Variants in BNC2 observed in about 807,000 individuals in gnomAD.
The protein encoded by BNC2 is zinc finger protein basonuclin-2.
A neutral mutation model predicts 76.3 loss-of-function variants in BNC2; 20 were observed. The observed-to-expected ratio is 0.26, with a 90% confidence interval of 0.18 to 0.38. The LOEUF is 0.38. Ranked by LOEUF, BNC2 falls within the 10% of genes least tolerant of loss-of-function variation. The probability of loss-of-function intolerance (pLI) is 1.00; values close to 1 mark genes in which losing one functional copy is unlikely to be tolerated. For missense variants in BNC2, 1,382 were observed against 1,399.8 expected, an observed-to-expected ratio of 0.99 and a Z score of 0.20; for synonymous variants, 582 against 514.8, an observed-to-expected ratio of 1.13 and a Z score of -1.77.
chr9:16,564,410 C>T (rs559538539), intron 4 of BNC2, among the ~76,000 whole-genome samples: 1 of 152,198 alleles, frequency 6.6e-6, no homozygotes, highest in Admixed American at 6.5e-5. Flanking sequence ...AAAGATGAGG[C>T]ACAGCTACAA....
At chr9:16,640,628 G>GA (rs1421071948) in intron 3 of BNC2, among the ~76,000 whole-genome samples, 1 of 152,170 alleles carries the variant, frequency 6.6e-6, no homozygotes, top group African/African-American at 2.4e-5. Flanking sequence ...GTTTATGCAA[G>GA]AAACTGTGAG....
rs552130002 is a variant in BNC2, at chr9:16,862,841, G to T, written c.3+7805C>A. Among the ~76,000 whole-genome samples, 3 of 152,014 alleles carry T rather than the reference G, an allele frequency of 2.0e-5. No individual in the cohort carries two copies. The South Asian group carries it at 6.2e-4, about 32-fold the overall frequency. On this transcript the variant is annotated intron_variant, in intron 1 of 6. Coordinates refer to ENST00000380672, the MANE Select transcript of BNC2 (RefSeq NM_017637.6). ...GAAAAAGGAATGTTAAGACACTCATGCTTTTTCTGTGGGAAGGTCACCAGC... is the reference window on the plus strand; with the variant it reads ...GAAAAAGGAATGTTAAGACACTCATTCTTTTTCTGTGGGAAGGTCACCAGC...
At chr9:16,611,086 A>G (rs1456853797) in intron 3 of BNC2, among the ~76,000 whole-genome samples, 1 of 152,196 alleles carries the variant, frequency 6.6e-6, no homozygotes, top group East Asian at 1.9e-4. Flanking sequence ...AAAAAAAAGT[A>G]CAAGCAAGAG....
At chr9:16,835,131 TAGAG>T (rs1011734047) in intron 1 of BNC2, among the ~76,000 whole-genome samples, 4 of 152,294 alleles carry the variant, frequency 2.6e-5, no homozygotes, top group Non-Finnish European at 2.9e-5. Flanking sequence ...TCCACACAAA[TAGAG>T]AAACAATTCA....
chr9:16,701,525 G>C (rs908946950), intron 3 of BNC2, among the ~76,000 whole-genome samples: 1 of 152,128 alleles, frequency 6.6e-6, no homozygotes, highest in Non-Finnish European at 1.5e-5. Context: ...ATTTTTTTAT[G>C]CTTACTAACA....
At chr9:16,835,959 C>T (rs1818696462) in intron 1 of BNC2, among the ~76,000 whole-genome samples, 1 of 152,126 alleles carries the variant, frequency 6.6e-6, no homozygotes, top group South Asian at 2.1e-4. Context: ...GCACCCATCC[C>T]ACCTAGTTAA....
At chr9:16,507,420 T>C (rs7864209) in intron 5 of BNC2, among the ~76,000 whole-genome samples, 1,595 of 152,034 alleles carry the variant, frequency 0.01, 26 homozygotes, top group African/African-American at 0.036. Flanking sequence ...CCCCCACACC[T>C]AGCTCATTTT....
At chr9:16,787,799 G>A (rs1826338490) in intron 1 of BNC2, among the ~76,000 whole-genome samples, 1 of 152,078 alleles carries the variant, frequency 6.6e-6, no homozygotes, top group Non-Finnish European at 1.5e-5. Context: ...GATCCTCCTG[G>A]TTCAGCGTCC....
At chr9:16,793,659 T>G (rs1374371970) in intron 1 of BNC2, among the ~76,000 whole-genome samples, 10 of 6,788 alleles carry the variant, frequency 1.5e-3, no homozygotes, top group Non-Finnish European at 3.2e-3. Flanking sequence ...TTTTTTTTTT[T>G]TTTTTTTTTT....
At chr9:16,617,455 A>G (rs555396839) in intron 3 of BNC2, among the ~76,000 whole-genome samples, 4 of 151,812 alleles carry the variant, frequency 2.6e-5, no homozygotes, top group South Asian at 4.2e-4. Flanking sequence ...TTCCTCAGCT[A>G]CACTGTCACC....
At chr9:16,685,182 T>C (rs1283831353) in intron 3 of BNC2, among the ~76,000 whole-genome samples, 1 of 152,204 alleles carries the variant, frequency 6.6e-6, no homozygotes, top group Non-Finnish European at 1.5e-5. Context: ...GTCCTTTAAA[T>C]TCTCATCATC....
chr9:16,828,570 C>T (rs1586916712), intron 1 of BNC2, among the ~76,000 whole-genome samples: 1 of 152,132 alleles, frequency 6.6e-6, no homozygotes, highest in African/African-American at 2.4e-5. Context: ...TACGGTCCCA[C>T]CAGTAAAAAC....
chr9:16,622,887 T>C (rs1403409710), intron 3 of BNC2, among the ~76,000 whole-genome samples: 1 of 152,174 alleles, frequency 6.6e-6, no homozygotes, highest in Non-Finnish European at 1.5e-5. Context: ...AAAACCTTAT[T>C]ATTTTTATTT....
At chr9:16,857,494 A>G (rs985252178) in intron 1 of BNC2, among the ~76,000 whole-genome samples, 11 of 151,462 alleles carry the variant, frequency 7.3e-5, no homozygotes, top group Admixed American at 2.0e-4. Flanking sequence ...AAAAAAAAAA[A>G]AAAAAAAAAA....
Position 16,776,084 on chromosome 9 carries a change from G to A in BNC2, c.4-37599C>T, listed in dbSNP as rs567561273. On this transcript the variant is annotated intron_variant, in intron 1 of 6. Coordinates refer to ENST00000380672, the MANE Select transcript of BNC2 (RefSeq NM_017637.6). ...ACGGGGACCTGCAGGAAACTCCTCC[G>A]TATTACCTACCCCTCAAGTTTATAA... 1.5e-3 allele frequency among the ~76,000 whole-genome samples: 228 copies of A among 152,194 alleles called. 2 individuals carry two copies. Among genetic ancestry groups the A allele is most frequent in the African/African-American group, 5.2e-3 (216 of 41,532 alleles).
chr9:16,865,361 A>C (rs1296153766), intron 1 of BNC2, among the ~76,000 whole-genome samples: 3 of 152,144 alleles, frequency 2.0e-5, no homozygotes, highest in African/African-American at 7.2e-5. Context: ...TTTATAGTCA[A>C]GTTCTAGTCT....
chr9:16,416,539 T>C lies in BNC2; in HGVS notation c.*2450A>G, dbSNP rs1402099238. 2 of 152,626 alleles carry C rather than the reference T, an allele frequency of 1.3e-5. No individual in the cohort carries two copies. Among genetic ancestry groups the C allele is most frequent in the African/African-American group, 4.8e-5 (2 of 41,460 alleles). The allele number at this position is 152,626 out of a possible 1,614,324, so 9.5% of individuals were successfully genotyped here. A position where few individuals can be genotyped will look rare whatever the true frequency, so the allele number is the denominator to read the frequency against. ...ACACCAAAATAAAGCAATTAAGACT[T>C]TGGGGAATTCAAAGTACAAGAAAAC... On this transcript the variant is annotated 3_prime_UTR_variant, in exon 7 of 7. Transcript: ENST00000380672.
intron 1 of BNC2, among the ~76,000 whole-genome samples, chr9:16,764,623 TATA>T (rs1563932327): frequency 6.6e-6 from 1 of 152,160 alleles, no homozygotes; most frequent in East Asian, 1.9e-4. Context: ...ATAGAAAACA[TATA>T]ATAATTATAG....
intron 1 of BNC2, among the ~76,000 whole-genome samples, chr9:16,808,028 G>A (rs1817954517): frequency 6.6e-6 from 1 of 152,020 alleles, no homozygotes; most frequent in African/African-American, 2.4e-5. Context: ...AATAATACAT[G>A]GCACAGAACC....
Sources: gnomAD v4.1 joint callset for allele counts (sites outside exome capture counted in the v4.1 genomes callset) on GRCh38, gnomAD v4.1.1 for gene constraint, MANE v1.5 for transcripts, NCBI Gene and HGNC (gene_info 2026-07-23, HGNC 2026-07-21) for gene names.